Variants in NAV2 observed in about 807,000 individuals in gnomAD.
NAV2 encodes helicase, APC down-regulated 1.
NAV2 carries 54 observed loss-of-function variants against 223.2 expected under a neutral mutation model. The observed-to-expected ratio is 0.24, with a 90% CI of 0.19 to 0.30. The LOEUF (loss-of-function observed/expected upper bound fraction) is 0.30, where lower values mean the gene tolerates loss of function less well. NAV2 is among the 10% of genes least tolerant of loss of function. The pLI is 1.00. For synonymous variants in NAV2, 1,279 were observed against 1,239.3 expected (o/e 1.03, Z -0.67); for missense variants, 2,806 against 3,147.5 (o/e 0.89, Z 2.60).
Position 19,819,274 on chromosome 11 carries a change from T to C in NAV2, c.268-13210T>C, listed in dbSNP as rs148528630. On this transcript the variant is annotated intron_variant, in intron 1 of 37. Transcript: ENST00000349880. Reference sequence around the variant, plus strand: ...GAGAAGAAAAAATGAGTAATTCTGTTAGGAGTAGGCAAGCAGGTTGGGAAT... The same window carrying C: ...GAGAAGAAAAAATGAGTAATTCTGTCAGGAGTAGGCAAGCAGGTTGGGAAT... 8.3e-3 allele frequency among the ~76,000 whole-genome samples: 1,261 copies of C among 152,236 alleles called. 12 individuals are homozygous for C. Among genetic ancestry groups the C allele is most frequent in the South Asian group, 0.055 (265 of 4,822 alleles).
At chr11:19,911,242 A>T (rs910411129) in intron 6 of NAV2, among the ~76,000 whole-genome samples, 1 of 152,072 alleles carries the variant, frequency 6.6e-6, no homozygotes. Context: ...TGTCTATAGG[A>T]CATTTATGTC....
At chr11:19,752,034 T>TC (rs2053866398) in intron 1 of NAV2, among the ~76,000 whole-genome samples, 1 of 152,180 alleles carries the variant, frequency 6.6e-6, no homozygotes, top group Admixed American at 6.5e-5. Context: ...GTTCTCACCG[T>TC]CCCTCTGAAA....
intron 1 of NAV2, among the ~76,000 whole-genome samples, chr11:19,560,560 T>C (rs1156741160): frequency 6.6e-6 from 1 of 152,226 alleles, no homozygotes; most frequent in Non-Finnish European, 1.5e-5. Context: ...TCAACAACAT[T>C]GCAGCTCTTA....
intron 1 of NAV2, among the ~76,000 whole-genome samples, chr11:19,770,445 G>A (rs544927566): frequency 1.3e-5 from 2 of 152,140 alleles, no homozygotes; most frequent in East Asian, 3.9e-4. Flanking sequence ...GGGGGTCAGA[G>A]GTCTCCCAAA....
chr11:20,037,452 C>T (rs2056501149), intron 12 of NAV2, among the ~76,000 whole-genome samples: 1 of 150,708 alleles, frequency 6.6e-6, no homozygotes. Flanking sequence ...TGATGAAATA[C>T]ATTAGGTGTT....
chr11:19,906,455 T>C (rs1168605952), intron 6 of NAV2, among the ~76,000 whole-genome samples: 2 of 152,206 alleles, frequency 1.3e-5, no homozygotes, highest in Non-Finnish European at 2.9e-5. Context: ...GTTTTTGTAA[T>C]CAATCTACCA....
intron 1 of NAV2, among the ~76,000 whole-genome samples, chr11:19,616,369 C>T (rs2046793775): frequency 6.6e-6 from 1 of 150,778 alleles, no homozygotes; most frequent in Admixed American, 6.6e-5. Context: ...CTGGGCTGGC[C>T]TCCCCTATGT....
rs1379315988 is a variant in NAV2, at chr11:19,714,001, A to G, written c.267+39A>G. 1.9e-6 allele frequency: 3 copies of G among 1,606,396 alleles called. No individual in the cohort carries two copies. The South Asian group carries it at 3.3e-5, about 18-fold the overall frequency. On this transcript the variant is annotated intron_variant, in intron 1 of 37. Coordinates refer to ENST00000349880, the MANE Select transcript of NAV2 (RefSeq NM_145117.5). The stretch of plus-strand genomic sequence containing the variant: ...TTTGCCGGGGTACTGTTCTGGAAGG[A>G]TGGATGAATAGTTCTTTCGGGATGG...
chr11:20,097,239 A>G (rs1794876123), intron 30 of NAV2, among the ~76,000 whole-genome samples: 1 of 152,200 alleles, frequency 6.6e-6, no homozygotes, highest in African/African-American at 2.4e-5. Flanking sequence ...AGCACCATTC[A>G]CAGGCCCTGA....
intron 1 of NAV2, among the ~76,000 whole-genome samples, chr11:19,703,486 G>A (rs1424898160): frequency 6.6e-6 from 1 of 152,218 alleles, no homozygotes; most frequent in Admixed American, 6.5e-5. Flanking sequence ...TGGTGGCCCT[G>A]CAGGAGCAAC....
chr11:19,607,939 A>G (rs1399198021), intron 1 of NAV2, among the ~76,000 whole-genome samples: 1 of 152,212 alleles, frequency 6.6e-6, no homozygotes, highest in African/African-American at 2.4e-5. Context: ...CAATCCCAAG[A>G]GCTACTGTGT....
chr11:19,913,430 G>A (rs1310641084), intron 6 of NAV2, among the ~76,000 whole-genome samples: 1 of 152,114 alleles, frequency 6.6e-6, no homozygotes, highest in African/African-American at 2.4e-5. Context: ...CACCCCAGTT[G>A]GTCTTATCTT....
intron 5 of NAV2, among the ~76,000 whole-genome samples, chr11:19,886,604 G>T (rs1413060473): frequency 5.3e-5 from 8 of 152,228 alleles, no homozygotes; most frequent in Non-Finnish European, 1.5e-5. Context: ...GATGAGCTGG[G>T]AGGAAACCTG....
chr11:19,843,570 G>A (rs559948511), intron 3 of NAV2, among the ~76,000 whole-genome samples: 8 of 151,854 alleles, frequency 5.3e-5, no homozygotes, highest in Non-Finnish European at 1.0e-4. Flanking sequence ...AAAATTTATC[G>A]TCATTGTTGA....
In NAV2 at chr11:19,713,545, C is replaced by G; in HGVS notation, c.-151C>G. The stretch of plus-strand genomic sequence containing the variant: ...CGCGCTCGCCCGATTGCTTCGAGTT[C>G]CCCGACCTGGGGATTTTTTTTTTAG... On this transcript the variant is annotated 5_prime_UTR_variant, in exon 1 of 38. Coordinates refer to ENST00000349880, the MANE Select transcript of NAV2 (RefSeq NM_145117.5). This position sits in a 1 kb window ranked among gnomAD's most constrained non-coding sequence, Gnocchi z 7.2. 1.4e-6 allele frequency: 2 copies of G among 1,405,708 alleles called. No individual in the cohort carries two copies. The highest frequency in any genetic ancestry group is 1.8e-6 in the Non-Finnish European group (2 of 1,082,624). 87.1% of individuals were successfully genotyped at this position (1,405,708 alleles called of 1,614,324 possible).
At chr11:19,721,253 C>G (rs1207610905) in intron 1 of NAV2, among the ~76,000 whole-genome samples, 1 of 152,194 alleles carries the variant, frequency 6.6e-6, no homozygotes, top group African/African-American at 2.4e-5. Context: ...TGACTCCTCC[C>G]CCTGCCCTAG....
intron 1 of NAV2, among the ~76,000 whole-genome samples, chr11:19,740,201 A>G (rs1479904827): frequency 6.6e-6 from 1 of 152,302 alleles, no homozygotes; most frequent in South Asian, 2.1e-4. Flanking sequence ...TGGGCCCTGA[A>G]GTGTGAAGGG....
chr11:19,352,245 G>A (rs149602584), intron 1 of NAV2, among the ~76,000 whole-genome samples: 2 of 152,170 alleles, frequency 1.3e-5, no homozygotes, highest in African/African-American at 4.8e-5. Context: ...CTATTTCTAC[G>A]GAAGCTTTCA....
intron 1 of NAV2, among the ~76,000 whole-genome samples, chr11:19,746,726 C>T (rs1468858274): frequency 6.6e-6 from 1 of 151,872 alleles, no homozygotes; most frequent in East Asian, 1.9e-4. Flanking sequence ...TCTCATTCAC[C>T]TCGTATTGCC....
Sources: gnomAD v4.1 joint callset for allele counts (sites outside exome capture counted in the v4.1 genomes callset) on GRCh38, gnomAD v4.1.1 for gene constraint, Gnocchi (gnomAD v3.1) non-coding constraint, MANE v1.5 for transcripts, NCBI Gene and HGNC (gene_info 2026-07-23, HGNC 2026-07-21) for gene names.